The following ATF7 variants were observed in gnomAD, a reference collection of about 807,000 sequenced individuals.
ATF7 encodes the protein activating transcription factor 7.
ATF7 carries 10 observed loss-of-function variants against 50.4 expected under a neutral mutation model. That is an observed-to-expected ratio of 0.20 (90% confidence interval 0.12 to 0.34). ATF7 has a LOEUF of 0.34. Among genes scored for constraint, ATF7 ranks in the 10% least tolerant of loss-of-function variants. ATF7 has a pLI of 1.00. For synonymous variants in ATF7, 201 were observed against 226.4 expected (o/e 0.89, Z 1.01); for missense variants, 465 against 613.9 (o/e 0.76, Z 2.56).
At chr12:53,582,306 C>T (rs145458335) in intron 2 of ATF7, among the ~76,000 whole-genome samples, 41 of 146,842 alleles carry the variant, frequency 2.8e-4, no homozygotes, top group Non-Finnish European at 5.1e-4. Flanking sequence ...TCCAGCCTGG[C>T]GACATAGCAA....
chr12:53,511,403 C>T (rs965361163), downstream of ATF7, among the ~76,000 whole-genome samples: 1 of 152,122 alleles, frequency 6.6e-6, no homozygotes, highest in Non-Finnish European at 1.5e-5. Context: ...CGCCCGCCAC[C>T]AACACCTGGC....
In ATF7 at chr12:53,518,958, G is replaced by A. The variant is rs188841993; in HGVS notation, c.1235-1604C>T. Among the ~76,000 whole-genome samples the A allele has an allele frequency of 5.7e-3, 863 of 151,690 alleles. 4 individuals are homozygous for A. Among genetic ancestry groups the A allele is most frequent in the African/African-American group, 0.02 (817 of 41,368 alleles). The stretch of plus-strand genomic sequence containing the variant: ...TGTCCCAGCTACTTGGGAGACTGAG[G>A]CAGGAGAATGGTGTGAACCCGGGAG... On this transcript the variant is annotated intron_variant, in intron 11 of 11. Transcript: ENST00000420353.
chr12:53,552,425 C>G, intron 3 of ATF7, 116 bp downstream of exon 3: 1 of 735,330 alleles, frequency 1.4e-6, no homozygotes, highest in East Asian at 2.7e-5. Flanking sequence ...AAATGCAGAT[C>G]ACATAAGGGC....
intron 2 of ATF7, among the ~76,000 whole-genome samples, chr12:53,557,985 C>G (rs1940857825): frequency 6.6e-6 from 1 of 152,166 alleles, no homozygotes; most frequent in Non-Finnish European, 1.5e-5. Flanking sequence ...AATGTAACTA[C>G]TAGAAAATCA....
chr12:53,559,694 A>C (rs1940982208), intron 2 of ATF7, among the ~76,000 whole-genome samples: 1 of 151,510 alleles, frequency 6.6e-6, no homozygotes, highest in Non-Finnish European at 1.5e-5. Flanking sequence ...AAAAAAAAAA[A>C]AAGCAAAAAT....
intron 3 of ATF7, among the ~76,000 whole-genome samples, chr12:53,549,831 G>T (rs1940213250): frequency 6.6e-6 from 1 of 151,834 alleles, no homozygotes; most frequent in Admixed American, 6.6e-5. Flanking sequence ...TGATATGCCT[G>T]CCTCAGCCTC....
At chr12:53,511,742 A>T (rs1944132297), downstream of ATF7, among the ~76,000 whole-genome samples, 1 of 152,038 alleles carries the variant, frequency 6.6e-6, no homozygotes, top group South Asian at 2.1e-4. Context: ...CAACTCTCCC[A>T]CCCGCCATCC....
Position 53,516,175 on chromosome 12 carries a change from G to A in ATF7, c.*962C>T, listed in dbSNP as rs183799943. ...CGGTAAACTCTTATAAAACATAAAG[G>A]AATCGATTAATCCCTAACTTGATGG... On this transcript the variant is annotated 3_prime_UTR_variant, in exon 12 of 12. Coordinates refer to ENST00000420353, the MANE Select transcript of ATF7 (RefSeq NM_006856.3). The A allele has an allele frequency of 1.7e-4, 26 of 152,286 alleles. 1 individual carries two copies. Among genetic ancestry groups the A allele is most frequent in the Admixed American group, 6.5e-4 (10 of 15,294 alleles). The allele number at this position is 152,286 out of a possible 1,614,324, so 9.4% of individuals were successfully genotyped here. A position where few individuals can be genotyped will look rare whatever the true frequency, so the allele number is the denominator to read the frequency against.
At chr12:53,586,194 T>C (rs917920630) in intron 2 of ATF7, among the ~76,000 whole-genome samples, 15 of 152,166 alleles carry the variant, frequency 9.9e-5, no homozygotes, top group Admixed American at 9.2e-4. Context: ...GTTAAAGTGT[T>C]GAATATAATA....
intron 11 of ATF7, among the ~76,000 whole-genome samples, chr12:53,522,213 T>C (rs546459629): frequency 5.9e-5 from 9 of 152,328 alleles, no homozygotes; most frequent in Admixed American, 5.2e-4. Flanking sequence ...TCCCAATGTA[T>C]CATCTGTGGT....
chr12:53,510,998 A>C (rs930115748), downstream of ATF7, among the ~76,000 whole-genome samples: 2 of 152,164 alleles, frequency 1.3e-5, no homozygotes, highest in African/African-American at 4.8e-5. Context: ...TCTCCTCAGG[A>C]GGCACAGGCT....
chr12:53,523,444 A>G, intron 10 of ATF7, 60 bp from the exon 11 acceptor site: 1 of 1,238,294 alleles, frequency 8.1e-7, no homozygotes, highest in Non-Finnish European at 1.2e-6. Flanking sequence ...TTGCACCCTC[A>G]GTGGCTGTTC....
chr12:53,548,092 C>T (rs1389474856), intron 3 of ATF7, among the ~76,000 whole-genome samples: 5 of 152,026 alleles, frequency 3.3e-5, no homozygotes, highest in Non-Finnish European at 7.4e-5. Flanking sequence ...GTCTTGGACT[C>T]CTGGCCTCAA....
At chr12:53,612,605 C>T (rs1166263989) in intron 1 of ATF7, among the ~76,000 whole-genome samples, 1 of 152,088 alleles carries the variant, frequency 6.6e-6, no homozygotes, top group Non-Finnish European at 1.5e-5. Flanking sequence ...TCTAAGACTA[C>T]AGTTCTCAAA....
At chr12:53,595,174 C>T (rs1458800285) in intron 2 of ATF7, among the ~76,000 whole-genome samples, 7 of 152,134 alleles carry the variant, frequency 4.6e-5, no homozygotes, top group African/African-American at 1.7e-4. Flanking sequence ...TTTTAAAAAA[C>T]TCTTGGCAGA....
chr12:53,570,353 G>A (rs1055392219), intron 2 of ATF7, among the ~76,000 whole-genome samples: 1 of 152,148 alleles, frequency 6.6e-6, no homozygotes, highest in Non-Finnish European at 1.5e-5. Flanking sequence ...GGGGAAGAGA[G>A]GAGAGAAAGG....
Position 53,525,005 on chromosome 12 carries a change from A to T in ATF7, c.928-244T>A, listed in dbSNP as rs988191923. On this transcript the variant is annotated intron_variant, in intron 9 of 11. Coordinates refer to ENST00000420353, the MANE Select transcript of ATF7 (RefSeq NM_006856.3). ...AACTACAGTTCATTTGGAAACTCTG[A>T]TTATTTATAAGACAGACAGACAAAT... 18 of 435,994 alleles carry T rather than the reference A, an allele frequency of 4.1e-5. No homozygotes were observed. In the Admixed American group the frequency reaches 6.8e-4, roughly 16 times the overall value. The allele number at this position is 435,994 out of a possible 1,614,324, so 27.0% of individuals were successfully genotyped here.
chr12:53,593,311 C>G lies in ATF7; in HGVS notation c.48+7642G>C, dbSNP rs537439364. On this transcript the variant is annotated intron_variant, in intron 2 of 11. Transcript: ENST00000420353. ...AGTCCCAGCTATTCAGGAGGACTGC[C>G]TGAGCCCAGGAGTTGCAGGCTTCAG... Among the ~76,000 whole-genome samples, 13 of 152,194 alleles carry G rather than the reference C, an allele frequency of 8.5e-5. No homozygotes were observed. In the East Asian group the frequency reaches 2.3e-3, roughly 27 times the overall value.
At chr12:53,606,729 A>G (rs1318674082) in intron 1 of ATF7, among the ~76,000 whole-genome samples, 1 of 102,596 alleles carries the variant, frequency 9.7e-6, no homozygotes, top group Non-Finnish European at 1.9e-5. Context: ...CCACCCCACA[A>G]CAGTCCCCAG....
Sources: allele counts gnomAD v4.1 joint callset (sites outside exome capture counted in the v4.1 genomes callset), GRCh38; gene constraint gnomAD v4.1.1; transcripts MANE v1.5; gene names NCBI Gene and HGNC (gene_info 2026-07-23, HGNC 2026-07-21).